The following LRFN5 variants were observed in gnomAD, a reference collection of about 807,000 sequenced individuals.
LRFN5 encodes leucine rich repeat and fibronectin type III domain containing 5.
Under a neutral mutation model 45.6 loss-of-function variants are expected in LRFN5, and 24 were observed. That is an observed-to-expected ratio of 0.53 (90% confidence interval 0.38 to 0.74). The LOEUF (loss-of-function observed/expected upper bound fraction) is 0.74. Ranked by LOEUF, LRFN5 falls within the 30% of genes least tolerant of loss-of-function variation. The pLI, the probability that LRFN5 is intolerant of heterozygous loss-of-function variation, is 0.00. For missense variants in LRFN5, 776 were observed against 861.5 expected, an observed-to-expected ratio of 0.90 and a Z score of 1.24; for synonymous variants, 340 against 313.8, an observed-to-expected ratio of 1.08 and a Z score of -0.88.
chr14:41,632,883 G>A (rs1888598103), intron 1 of LRFN5, among the ~76,000 whole-genome samples: 1 of 151,982 alleles, frequency 6.6e-6, no homozygotes, highest in Non-Finnish European at 1.5e-5. Context: ...GGTGAATAAG[G>A]ATATTGCCTT....
intron 1 of LRFN5, among the ~76,000 whole-genome samples, chr14:41,658,974 C>T (rs1880503467): frequency 6.6e-6 from 1 of 151,790 alleles, no homozygotes; most frequent in Non-Finnish European, 1.5e-5. Context: ...TGTATGCTAC[C>T]GTGTTTTCTT....
At chr14:41,631,697 A>G (rs1161270116) in intron 1 of LRFN5, among the ~76,000 whole-genome samples, 2 of 152,106 alleles carry the variant, frequency 1.3e-5, no homozygotes, top group Non-Finnish European at 2.9e-5. Flanking sequence ...ATGCCTACTG[A>G]GAGAAATAAT....
chr14:41,776,506 A>G (rs1180792569), intron 2 of LRFN5, among the ~76,000 whole-genome samples: 1 of 152,134 alleles, frequency 6.6e-6, no homozygotes, highest in Non-Finnish European at 1.5e-5. Flanking sequence ...CACACAATGT[A>G]TGGATGCCTT....
At chr14:41,741,686 TAGAC>T (rs1262053623) in intron 1 of LRFN5, among the ~76,000 whole-genome samples, 2 of 151,170 alleles carry the variant, frequency 1.3e-5, no homozygotes, top group South Asian at 2.1e-4. Flanking sequence ...AAAGCAAAAA[TAGAC>T]AGAGGATATT....
Position 41,777,017 on chromosome 14 carries a change from G to A in LRFN5, c.-21+9988G>A, listed in dbSNP as rs548470681. 1.9e-4 allele frequency among the ~76,000 whole-genome samples: 29 copies of A among 151,832 alleles called. No individual in the cohort carries two copies. The South Asian group carries it at 2.9e-3, about 15-fold the overall frequency. ...CCATATACAGTTTTCATATATGAATGGATATATCTTGATTTTTCTATTTAT... is the reference window on the plus strand; with the variant it reads ...CCATATACAGTTTTCATATATGAATAGATATATCTTGATTTTTCTATTTAT... On this transcript the variant is annotated intron_variant, in intron 2 of 5. Coordinates refer to ENST00000298119, the MANE Select transcript of LRFN5 (RefSeq NM_152447.5).
chr14:41,611,611 G>A (rs969595115), intron 1 of LRFN5, among the ~76,000 whole-genome samples: 4 of 152,140 alleles, frequency 2.6e-5, no homozygotes, highest in Non-Finnish European at 5.9e-5. Context: ...CTTGTACCTC[G>A]GATAATTTCT....
At chr14:41,734,434 T>C (rs1884336305) in intron 1 of LRFN5, among the ~76,000 whole-genome samples, 1 of 148,216 alleles carries the variant, frequency 6.7e-6, no homozygotes, top group African/African-American at 2.5e-5. Flanking sequence ...AGTTTTCAAC[T>C]TAAAGTCTAT....
chr14:41,658,587 G>A (rs1467823277), intron 1 of LRFN5, among the ~76,000 whole-genome samples: 2 of 151,616 alleles, frequency 1.3e-5, no homozygotes, highest in East Asian at 3.9e-4. Context: ...AACTTATAAT[G>A]CACTTCATAG....
chr14:41,818,777 G>C (rs1221259774), intron 2 of LRFN5, among the ~76,000 whole-genome samples: 1 of 152,094 alleles, frequency 6.6e-6, no homozygotes, highest in Non-Finnish European at 1.5e-5. Flanking sequence ...GCACACTGCA[G>C]TTTTGTTACA....
intron 2 of LRFN5, among the ~76,000 whole-genome samples, chr14:41,782,427 G>T (rs1188217833): frequency 6.6e-6 from 1 of 151,842 alleles, no homozygotes; most frequent in African/African-American, 2.4e-5. Context: ...ATTGTCATCT[G>T]CTCTTGCATG....
At chr14:41,669,605 G>A (rs958654470) in intron 1 of LRFN5, among the ~76,000 whole-genome samples, 10 of 151,924 alleles carry the variant, frequency 6.6e-5, no homozygotes, top group African/African-American at 1.7e-4. Flanking sequence ...GTTGTCGCTT[G>A]TGGGAATGTA....
intron 1 of LRFN5, among the ~76,000 whole-genome samples, chr14:41,660,983 T>G (rs1252777926): frequency 6.6e-6 from 1 of 151,458 alleles, no homozygotes; most frequent in Non-Finnish European, 1.5e-5. Flanking sequence ...CTTATATATT[T>G]TTGCACCCTT....
chr14:41,902,533 A>G (rs1337061582), intron 5 of LRFN5, among the ~76,000 whole-genome samples: 3 of 151,818 alleles, frequency 2.0e-5, no homozygotes, highest in Non-Finnish European at 4.4e-5. Context: ...TAGTTCACAA[A>G]ATTTTTATTT....
chr14:41,846,487 G>A (rs529488639), intron 2 of LRFN5, among the ~76,000 whole-genome samples: 18 of 151,924 alleles, frequency 1.2e-4, no homozygotes, highest in Admixed American at 2.6e-4. Context: ...GAGGTCACAT[G>A]CAAAAAAATA....
intron 1 of LRFN5, among the ~76,000 whole-genome samples, chr14:41,670,247 A>C (rs2138656546): frequency 9.0e-6 from 1 of 110,760 alleles, no homozygotes; most frequent in East Asian, 2.4e-4. Context: ...ACACACACAC[A>C]TACACACAGA....
In LRFN5 at chr14:41,850,649, TTTTC is replaced by T. The variant is rs1306480012; in HGVS notation, c.-20-35949_-20-35946del. Among the ~76,000 whole-genome samples the T allele has an allele frequency of 2.0e-5, 3 of 151,970 alleles. No homozygotes were observed. The East Asian group carries it at 5.8e-4, about 29-fold the overall frequency. ...TGTCTCTTTGATAATTATAGATATA[TTTTC>T]TTTCTTTACTTGCTGAATTAATTTC... On this transcript the variant is annotated intron_variant, in intron 2 of 5. Transcript: ENST00000298119.
intron 2 of LRFN5, among the ~76,000 whole-genome samples, chr14:41,821,152 T>A (rs1051863045): frequency 2.0e-5 from 3 of 151,984 alleles, no homozygotes; most frequent in Non-Finnish European, 4.4e-5. Flanking sequence ...CAATGTATAA[T>A]AGAAGTATGA....
chr14:41,734,316 T>TTATTTATATA (rs1441190358), intron 1 of LRFN5, among the ~76,000 whole-genome samples: 2 of 38,768 alleles, frequency 5.2e-5, no homozygotes, highest in African/African-American at 1.1e-4. Context: ...TGGACTGGTT[T>TTATTTATATA]TATATATATA....
intron 2 of LRFN5, among the ~76,000 whole-genome samples, chr14:41,865,758 A>C (rs1889819206): frequency 6.6e-6 from 1 of 152,216 alleles, no homozygotes; most frequent in African/African-American, 2.4e-5. Context: ...GGCTATAACC[A>C]TTCTAATGTG....
Sources: allele counts gnomAD v4.1 joint callset (sites outside exome capture counted in the v4.1 genomes callset), GRCh38; gene constraint gnomAD v4.1.1; transcripts MANE v1.5; gene names NCBI Gene and HGNC (gene_info 2026-07-23, HGNC 2026-07-21).